APOO: variants seen among roughly 807,000 people sequenced by gnomAD.
APOO encodes the protein apolipoprotein O, also known as MICOS complex subunit MIC26.
Under a neutral mutation model 23.1 loss-of-function variants are expected in APOO, and 11 were observed. The observed-to-expected ratio is 0.48, with a 90% confidence interval of 0.30 to 0.79. The LOEUF is 0.79. Ranked by LOEUF, APOO falls within the 30% of genes least tolerant of loss-of-function variation. The pLI, the probability that APOO is intolerant of heterozygous loss-of-function variation, is 0.07. For missense variants in APOO, 160 were observed against 142.7 expected (o/e 1.12, Z -0.62); for synonymous variants, 59 against 54.8 (o/e 1.08, Z -0.34).
chrX:23,898,799 A>T (rs920117625), intron 1 of APOO, among the ~76,000 whole-genome samples: 4 of 111,926 alleles, frequency 3.6e-5, no homozygotes, highest in Non-Finnish European at 5.6e-5. Context: ...CTCACTCACC[A>T]GTCTAACCCA....
chrX:23,848,002 G>A (rs1432184518), intron 7 of APOO, among the ~76,000 whole-genome samples: 2 of 107,972 alleles, frequency 1.9e-5, no homozygotes, highest in East Asian at 5.8e-4. Context: ...TCAGCTTCCC[G>A]AGTAGCTGGA....
intron 5 of APOO, 81 bp downstream of exon 5, chrX:23,868,511 TG>T: frequency 1.2e-6 from 1 of 805,087 alleles, no homozygotes; most frequent in Non-Finnish European, 1.8e-6. Context: ...TTCTGAAACC[TG>T]GTAAATGAAG....
At chrX:23,849,784 C>G (rs182302216) in intron 7 of APOO, among the ~76,000 whole-genome samples, 1 of 106,576 alleles carries the variant, frequency 9.4e-6, no homozygotes, top group Non-Finnish European at 1.9e-5. Flanking sequence ...CCCAGCTACT[C>G]GCGAGGCTGA....
chrX:23,880,897 T>C lies in APOO; in HGVS notation c.65A>G (p.Tyr22Cys), dbSNP rs1326650969. ...AGGTGAGTCCTTTTTTGGTGCTGCATAGACTTTGAAGGTGAGCAAGCTCAG... is the reference window on the plus strand; with the variant it reads ...AGGTGAGTCCTTTTTTGGTGCTGCACAGACTTTGAAGGTGAGCAAGCTCAG... ...ASLSLLTFKV[Y>C]AAPKKDSPPK... The change falls in exon 2 of 9, where the codon TAT (tyrosine) becomes TGT (cysteine). Residue 22 changes from tyrosine (Y) to cysteine (C), a missense_variant. By Grantham distance (194) the Tyr-to-Cys change is radical. Transcript: ENST00000379226. 8.4e-7 allele frequency: 1 copy of C among 1,191,664 alleles called. No homozygotes were observed. The highest frequency in any genetic ancestry group is 1.9e-5 in the South Asian group (1 of 53,037).
chrX:23,896,754 T>C (rs1364976806), intron 1 of APOO, among the ~76,000 whole-genome samples: 1 of 110,054 alleles, frequency 9.1e-6, no homozygotes, highest in Non-Finnish European at 1.9e-5. Context: ...TCCTTCTGCT[T>C]CAGCCTCCCA....
intron 1 of APOO, among the ~76,000 whole-genome samples, chrX:23,902,709 T>G (rs936111352): frequency 8.9e-6 from 1 of 112,119 alleles, no homozygotes; most frequent in Non-Finnish European, 1.9e-5. Context: ...AAGTACAATG[T>G]GTACTTAATA....
At chrX:23,881,213 T>C (rs1393235024) in intron 1 of APOO, among the ~76,000 whole-genome samples, 1 of 109,820 alleles carries the variant, frequency 9.1e-6, no homozygotes, top group Non-Finnish European at 1.9e-5. Flanking sequence ...TAGCTGGGAT[T>C]ACAGGCGTCT....
intron 7 of APOO, among the ~76,000 whole-genome samples, chrX:23,854,115 G>C (rs1924671841): frequency 8.9e-6 from 1 of 112,590 alleles, no homozygotes. Flanking sequence ...ACTCTAAAAA[G>C]ATCTGCATAT....
intron 7 of APOO, among the ~76,000 whole-genome samples, chrX:23,841,865 C>T (rs1476739396): frequency 9.0e-6 from 1 of 111,443 alleles, no homozygotes; most frequent in Non-Finnish European, 1.9e-5. Context: ...CGAGACCAGA[C>T]AATCCCAATT....
At chrX:23,870,630 T>A (rs1445073788) in intron 4 of APOO, among the ~76,000 whole-genome samples, 2 of 98,230 alleles carry the variant, frequency 2.0e-5, no homozygotes, top group African/African-American at 3.7e-5. Flanking sequence ...TACAAAAAAT[T>A]AAAAAAAAAA....
At chrX:23,906,450 AC>A (rs890551470) in intron 1 of APOO, among the ~76,000 whole-genome samples, 3 of 112,005 alleles carry the variant, frequency 2.7e-5, no homozygotes, top group Admixed American at 9.5e-5. Flanking sequence ...CAGGTTAGGA[AC>A]CCCTGGTTAA....
chrX:23,882,396 C>T (rs989835915), intron 1 of APOO, among the ~76,000 whole-genome samples: 9 of 112,124 alleles, frequency 8.0e-5, no homozygotes, highest in Non-Finnish European at 1.5e-4. Context: ...CACTGCAAAT[C>T]TCAGTAATAT....
At chrX:23,845,388 G>A (rs771853192) in intron 7 of APOO, among the ~76,000 whole-genome samples, 5 of 111,517 alleles carry the variant, frequency 4.5e-5, no homozygotes, top group Non-Finnish European at 9.4e-5. Context: ...TGCCCTCTTG[G>A]CAGATTTTTA....
intron 1 of APOO, among the ~76,000 whole-genome samples, chrX:23,903,664 G>T (rs774670044): frequency 2.5e-4 from 28 of 111,952 alleles, no homozygotes; most frequent in African/African-American, 8.8e-4. Flanking sequence ...GTATGTAAAT[G>T]TTCAACACAA....
At chrX:23,838,174 C>G (rs12015767) in intron 8 of APOO, among the ~76,000 whole-genome samples, 47,203 of 98,714 alleles carry the variant, frequency 0.48, 11,938 homozygotes, top group African/African-American at 0.88. Context: ...GACCAATATG[C>G]TAAAACCCTG....
chrX:23,845,526 G>A (rs187631998), intron 7 of APOO, among the ~76,000 whole-genome samples: 19 of 112,057 alleles, frequency 1.7e-4, no homozygotes, highest in Middle Eastern at 9.2e-3. Flanking sequence ...CCAATCCCTG[G>A]CAATCGCCAT....
chrX:23,854,705 T>C (rs1924704649), intron 7 of APOO, among the ~76,000 whole-genome samples: 1 of 106,840 alleles, frequency 9.4e-6, no homozygotes, highest in Non-Finnish European at 1.9e-5. Context: ...ATTTTTTTAG[T>C]AGAGACAGGG....
intron 1 of APOO, among the ~76,000 whole-genome samples, chrX:23,904,513 T>G (rs1052217256): frequency 2.0e-5 from 2 of 102,279 alleles, no homozygotes; most frequent in African/African-American, 3.5e-5. Context: ...GGTTTTTTTT[T>G]TTTTTTTTTT....
intron 7 of APOO, among the ~76,000 whole-genome samples, chrX:23,855,092 C>T (rs1246082408): frequency 2.0e-5 from 2 of 100,874 alleles, no homozygotes; most frequent in African/African-American, 3.7e-5. Flanking sequence ...AGCTGGAGTG[C>T]AGTGGCGCAA....
Sources: gnomAD v4.1 joint callset for allele counts (sites outside exome capture counted in the v4.1 genomes callset) on GRCh38, gnomAD v4.1.1 for gene constraint, MANE v1.5 for transcripts, NCBI Gene and HGNC (gene_info 2026-07-23, HGNC 2026-07-21) for gene names.